The following QPCT variants were observed in gnomAD, a reference collection of about 807,000 sequenced individuals.
The protein encoded by QPCT is EC.
Under a neutral mutation model 43.4 loss-of-function variants are expected in QPCT, and 44 were observed. The observed-to-expected ratio is 1.01, with a 90% confidence interval of 0.80 to 1.30. The LOEUF is 1.30. Ranked by LOEUF, QPCT falls within the 50% of genes most tolerant of loss-of-function variation. QPCT has a pLI of 0.00. For missense variants in QPCT, 526 were observed against 436.5 expected (o/e 1.21, Z -1.83); for synonymous variants, 168 against 168.4 (o/e 1.00, Z 0.02).
chr2:37,354,268 C>G (rs931625708), intron 2 of QPCT, among the ~76,000 whole-genome samples: 22 of 152,206 alleles, frequency 1.4e-4, no homozygotes, highest in African/African-American at 5.1e-4. Flanking sequence ...CTGAATAGCT[C>G]TGGCTTCTCC....
chr2:37,364,452 C>T (rs1423427758), intron 3 of QPCT, among the ~76,000 whole-genome samples: 3 of 152,176 alleles, frequency 2.0e-5, no homozygotes, highest in Non-Finnish European at 4.4e-5. Context: ...CAAAACCAGA[C>T]AGACATGAGA....
At chr2:37,350,872 C>T (rs1672605469) in intron 1 of QPCT, among the ~76,000 whole-genome samples, 1 of 152,054 alleles carries the variant, frequency 6.6e-6, no homozygotes, top group Admixed American at 6.5e-5. Context: ...TTCTATTTAC[C>T]CTAGGATTCA....
At chr2:37,371,050 G>T (rs1302819460) in intron 5 of QPCT, among the ~76,000 whole-genome samples, 1 of 152,100 alleles carries the variant, frequency 6.6e-6, no homozygotes, top group Non-Finnish European at 1.5e-5. Context: ...TAAAGAATTT[G>T]TCTAGAATCT....
At position 37,359,861 on chromosome 2, in the gene QPCT, A is replaced by G. The variant is rs895061701; in HGVS notation, c.546+3A>G. ...ACAAGAAACTCCTTTCCTTAAAGGT[A>G]TCTGTTTTCTGCTTATTGATTCCTA... On this transcript the variant is annotated splice_donor_region_variant and intron_variant, in intron 3 of 6. Transcript: ENST00000338415. 8.1e-6 allele frequency: 13 copies of G among 1,612,878 alleles called. No homozygotes were observed. The East Asian group carries it at 2.2e-4, about 28-fold the overall frequency.
chr2:37,360,498 A>T (rs1012487659), intron 3 of QPCT, among the ~76,000 whole-genome samples: 1 of 152,182 alleles, frequency 6.6e-6, no homozygotes, highest in Non-Finnish European at 1.5e-5. Flanking sequence ...GCTAAACTAG[A>T]TGAAGATATT....
chr2:37,353,816 A>T (rs1165126217), intron 2 of QPCT, among the ~76,000 whole-genome samples: 4 of 152,176 alleles, frequency 2.6e-5, no homozygotes, highest in Non-Finnish European at 5.9e-5. Context: ...AGACCTTGGC[A>T]CCCACTGCTG....
At chr2:37,368,666 A>G (rs1029966927) in intron 4 of QPCT, 4 of 471,072 alleles carry the variant, frequency 8.5e-6, no homozygotes, top group South Asian at 1.5e-5. Flanking sequence ...TGTGGTCAGC[A>G]TATCATTCAT....
At chr2:37,361,100 T>A (rs1396895420) in intron 3 of QPCT, among the ~76,000 whole-genome samples, 1 of 152,198 alleles carries the variant, frequency 6.6e-6, no homozygotes, top group African/African-American at 2.4e-5. Flanking sequence ...AATCAACATA[T>A]ATATTCTCAT....
At chr2:37,352,977 G>A in intron 2 of QPCT, 42 bp downstream of exon 2, 2 of 1,585,502 alleles carry the variant, frequency 1.3e-6, no homozygotes, top group East Asian at 2.3e-5. Context: ...TGTGAATACT[G>A]TGCTTTCTCA....
chr2:37,347,812 G>A (rs192008754), intron 1 of QPCT, among the ~76,000 whole-genome samples: 19 of 152,194 alleles, frequency 1.2e-4, no homozygotes, highest in Non-Finnish European at 2.2e-4. Context: ...CCTTAGGTGC[G>A]AATGACTGAT....
chr2:37,359,697 C>T lies in QPCT; in HGVS notation c.385C>T (p.Pro129Ser), dbSNP rs374257363. The change falls in exon 3 of 7, where the codon CCC becomes TCC. Residue 129 changes from proline (P) to serine (S), a missense_variant. Coordinates refer to ENST00000338415, the MANE Select transcript of QPCT (RefSeq NM_012413.4). ...CTCAAATATCATCAGCACCCTCAAT[C>T]CCACTGCTAAACGACATTTGGTCCT... ...SFSNIISTLN[P>S]TAKRHLVLAC... The T allele has an allele frequency of 8.1e-6, 13 of 1,614,058 alleles. No homozygotes were observed. The highest frequency in any genetic ancestry group is 1.0e-5 in the Non-Finnish European group (12 of 1,180,014).
chr2:37,368,461 C>T (rs3770747), intron 4 of QPCT: 63,103 of 380,102 alleles, frequency 0.17, 6,814 homozygotes, highest in East Asian at 0.5. Context: ...CCCTCCCTGA[C>T]GCTCACCCCA....
chr2:37,347,997 C>G (rs1453799448), intron 1 of QPCT, among the ~76,000 whole-genome samples: 1 of 152,120 alleles, frequency 6.6e-6, no homozygotes, highest in African/African-American at 2.4e-5. Context: ...CCCCACTATT[C>G]AGAGATAATG....
chr2:37,367,160 T>A, intron 3 of QPCT, 72 bp from the exon 4 acceptor site: 2 of 1,469,930 alleles, frequency 1.4e-6, no homozygotes, highest in Non-Finnish European at 1.8e-6. Flanking sequence ...TTTTGCCCAA[T>A]TAATAGAAAA....
chr2:37,368,791 C>A, intron 4 of QPCT: 1 of 409,974 alleles, frequency 2.4e-6, no homozygotes, highest in South Asian at 1.8e-5. Context: ...TATGAAGCCA[C>A]AGTGATTCAT....
chr2:37,345,194 C>G (rs534198141), intron 1 of QPCT, among the ~76,000 whole-genome samples: 7 of 152,310 alleles, frequency 4.6e-5, no homozygotes, highest in South Asian at 2.1e-4. Context: ...CGCCACCCCC[C>G]ACTCGGGACC....
intron 1 of QPCT, among the ~76,000 whole-genome samples, chr2:37,347,155 T>TATATATATAACATATATATATATAAC (rs1558599248): frequency 1.5e-5 from 1 of 65,498 alleles, no homozygotes; most frequent in African/African-American, 7.3e-5. Flanking sequence ...TATATATATA[T>TATATATATAACATATATATATATAAC]ATATATATAA....
intron 3 of QPCT, among the ~76,000 whole-genome samples, chr2:37,365,763 G>C (rs1254135691): frequency 6.6e-6 from 1 of 152,166 alleles, no homozygotes; most frequent in Non-Finnish European, 1.5e-5. Flanking sequence ...AAGAAATCAA[G>C]GTCATCGGTT....
intron 3 of QPCT, among the ~76,000 whole-genome samples, chr2:37,360,761 C>CT (rs200284027): frequency 3.3e-5 from 5 of 152,072 alleles, no homozygotes; most frequent in South Asian, 4.2e-4. Flanking sequence ...CTTTTCACTT[C>CT]TTTTTTTTGG....
Sources: gnomAD v4.1 joint callset for allele counts (sites outside exome capture counted in the v4.1 genomes callset) on GRCh38, gnomAD v4.1.1 for gene constraint, MANE v1.5 for transcripts, NCBI Gene and HGNC (gene_info 2026-07-23, HGNC 2026-07-21) for gene names.